Variants in ZNF804A observed in about 807,000 individuals in gnomAD.
The protein encoded by ZNF804A is zinc finger protein 804A.
In ZNF804A, 2 loss-of-function variants were observed where a neutral mutation model predicts 16.5. The observed-to-expected ratio is 0.12, with a 90% confidence interval of 0.05 to 0.38. The LOEUF is 0.38. Among genes scored for constraint, ZNF804A ranks in the 10% least tolerant of loss-of-function variants. The pLI is 0.99. For synonymous variants in ZNF804A, 534 were observed against 489.6 expected (o/e 1.09, Z -1.20); for missense variants, 1,473 against 1,390.7 (o/e 1.06, Z -0.94).
intron 1 of ZNF804A, among the ~76,000 whole-genome samples, chr2:184,661,276 T>C (rs899846): frequency 0.86 from 130,953 of 151,858 alleles, 56,819 homozygotes; most frequent in African/African-American, 0.91. Context: ...CAGCTCTTTT[T>C]CTGCTATAGT....
intron 1 of ZNF804A, among the ~76,000 whole-genome samples, chr2:184,773,663 G>A (rs530546434): frequency 4.0e-5 from 6 of 151,336 alleles, no homozygotes; most frequent in South Asian, 4.2e-4. Context: ...AAGAGTGGGA[G>A]GCAGGTGAGG....
At chr2:184,758,341 G>T (rs934305840) in intron 1 of ZNF804A, among the ~76,000 whole-genome samples, 2 of 151,492 alleles carry the variant, frequency 1.3e-5, no homozygotes, top group Non-Finnish European at 2.9e-5. Flanking sequence ...ATTAGTTTAT[G>T]AAAATGATTA....
At chr2:184,646,660 T>A (rs1209686818) in intron 1 of ZNF804A, among the ~76,000 whole-genome samples, 1 of 152,200 alleles carries the variant, frequency 6.6e-6, no homozygotes, top group Non-Finnish European at 1.5e-5. Flanking sequence ...CTCTCTCTGT[T>A]CCATTCTCAG....
In ZNF804A at chr2:184,935,944, T is replaced by G; in HGVS notation, c.548T>G (p.Val183Gly). ...SEENTKDATT[V>G]AEDPESANNY... ...GAGAATACTAAAGATGCTACCACTG[T>G]TGCTGAAGATCCAGAAAGTGCAAAT... Residue 183 changes from valine to glycine, a missense_variant, in exon 4 of 4, where the codon GTT becomes GGT. Physicochemically the swap from Val to Gly is moderately radical, Grantham distance 109 (BLOSUM62 -3). Coordinates refer to ENST00000302277, the MANE Select transcript of ZNF804A (RefSeq NM_194250.2). 1 of 1,613,964 alleles carries G rather than the reference T, an allele frequency of 6.2e-7. No individual in the cohort carries two copies. Among genetic ancestry groups the G allele is most frequent in the Non-Finnish European group, 8.5e-7 (1 of 1,179,930 alleles).
chr2:184,666,156 C>T (rs1228235230), intron 1 of ZNF804A, among the ~76,000 whole-genome samples: 3 of 152,096 alleles, frequency 2.0e-5, no homozygotes. Context: ...TTTTTTCAAA[C>T]ATTTCCTTTA....
chr2:184,810,996 A>G (rs1160608530), intron 1 of ZNF804A, among the ~76,000 whole-genome samples: 1 of 152,164 alleles, frequency 6.6e-6, no homozygotes, highest in South Asian at 2.1e-4. Context: ...GCTCAACATT[A>G]ATTTTTACAG....
intron 2 of ZNF804A, among the ~76,000 whole-genome samples, chr2:184,896,283 A>G (rs1470447528): frequency 6.6e-6 from 1 of 152,130 alleles, no homozygotes; most frequent in African/African-American, 2.4e-5. Context: ...TCCCAAATTT[A>G]TATATGAAAT....
At chr2:184,817,596 T>C (rs1454047283) in intron 1 of ZNF804A, among the ~76,000 whole-genome samples, 1 of 151,846 alleles carries the variant, frequency 6.6e-6, no homozygotes, top group Non-Finnish European at 1.5e-5. Context: ...AAGTGGGTAA[T>C]AATGAGCTTT....
chr2:184,742,440 T>TA (rs1263180729), intron 1 of ZNF804A, among the ~76,000 whole-genome samples: 1 of 151,676 alleles, frequency 6.6e-6, no homozygotes. Flanking sequence ...TTGCAAAGAG[T>TA]AAAGTATAGG....
chr2:184,666,240 G>A (rs1464279661), intron 1 of ZNF804A, among the ~76,000 whole-genome samples: 19 of 151,986 alleles, frequency 1.3e-4, no homozygotes, highest in Non-Finnish European at 2.8e-4. Context: ...CTTTTTTATA[G>A]ATTTTAATAT....
At chr2:184,658,817 A>C (rs1457057854) in intron 1 of ZNF804A, among the ~76,000 whole-genome samples, 3 of 152,244 alleles carry the variant, frequency 2.0e-5, no homozygotes, top group Non-Finnish European at 2.9e-5. Flanking sequence ...AAATGTTTTC[A>C]GGCAAAGAAT....
chr2:184,860,903 C>A (rs75022896), intron 1 of ZNF804A, among the ~76,000 whole-genome samples: 1,966 of 152,260 alleles, frequency 0.013, 56 homozygotes, highest in African/African-American at 0.045. Context: ...CTGGGGTTGG[C>A]CTAGGGTATG....
intron 1 of ZNF804A, among the ~76,000 whole-genome samples, chr2:184,818,689 CA>C (rs1172989623): frequency 6.7e-6 from 1 of 149,696 alleles, no homozygotes; most frequent in East Asian, 2.0e-4. Context: ...GACATAGGCT[CA>C]AAAAAAAGGG....
At position 184,804,154 on chromosome 2, in the gene ZNF804A, G is replaced by A. The variant is rs565151601; in HGVS notation, c.112-62215G>A. On this transcript the variant is annotated intron_variant, in intron 1 of 3. Coordinates refer to ENST00000302277, the MANE Select transcript of ZNF804A (RefSeq NM_194250.2). ...GCTGGGATTACAGGTGTGAGCCACC[G>A]TGCCTGGCCTCTTCTGTCTGTTATA... 1.2e-4 allele frequency among the ~76,000 whole-genome samples: 18 copies of A among 152,178 alleles called. No individual in the cohort carries two copies. In the East Asian group the frequency reaches 2.7e-3, roughly 23 times the overall value.
intron 2 of ZNF804A, among the ~76,000 whole-genome samples, chr2:184,898,310 G>A (rs1192601795): frequency 6.6e-6 from 1 of 152,036 alleles, no homozygotes; most frequent in African/African-American, 2.4e-5. Context: ...TACTGTAATA[G>A]TGAATATAAC....
Position 184,852,560 on chromosome 2 carries a change from T to G in ZNF804A, c.112-13809T>G, listed in dbSNP as rs1295979207. 2.6e-5 allele frequency among the ~76,000 whole-genome samples: 4 copies of G among 151,278 alleles called. 1 individual carries two copies. The highest frequency in any genetic ancestry group is 5.9e-5 in the Non-Finnish European group (4 of 67,610). On this transcript the variant is annotated intron_variant, in intron 1 of 3. Transcript: ENST00000302277. The stretch of plus-strand genomic sequence containing the variant: ...AGAGATCTCCCACCGGCTTTTTTTG[T>G]TTTTAGCAGTTTTACAGTGTCAGGG...
intron 1 of ZNF804A, among the ~76,000 whole-genome samples, chr2:184,659,720 A>G (rs181138166): frequency 3.3e-5 from 5 of 152,280 alleles, no homozygotes; most frequent in East Asian, 3.9e-4. Flanking sequence ...ATATGAATGA[A>G]TATTTCCTGT....
At chr2:184,923,833 T>C (rs13395881) in intron 2 of ZNF804A, among the ~76,000 whole-genome samples, 2,022 of 152,132 alleles carry the variant, frequency 0.013, 45 homozygotes, top group African/African-American at 0.047. Context: ...CTTCATCCTG[T>C]TGATATGATG....
intron 1 of ZNF804A, among the ~76,000 whole-genome samples, chr2:184,623,995 G>A (rs895383643): frequency 3.3e-5 from 5 of 152,102 alleles, no homozygotes; most frequent in Non-Finnish European, 2.9e-5. Flanking sequence ...TAAACAATTA[G>A]TCAGGGGGAC....
Sources: allele counts gnomAD v4.1 joint callset (sites outside exome capture counted in the v4.1 genomes callset), GRCh38; gene constraint gnomAD v4.1.1; transcripts MANE v1.5; gene names NCBI Gene and HGNC (gene_info 2026-07-23, HGNC 2026-07-21).